BRAT1: variants seen among roughly 807,000 people sequenced by gnomAD.
BRAT1 encodes the protein BRCA1 associated ATM activator 1.
BRAT1 carries 74 observed loss-of-function variants against 70.6 expected under a neutral mutation model. That is an observed-to-expected ratio of 1.05 (90% CI 0.87 to 1.27). The LOEUF is 1.27. Ranked by LOEUF, BRAT1 falls within the 50% of genes most tolerant of loss-of-function variation. BRAT1 has a pLI of 0.00. For synonymous variants in BRAT1, 615 were observed against 517.1 expected, an observed-to-expected ratio of 1.19 and a Z score of -2.57; for missense variants, 1,203 against 1,098.2, an observed-to-expected ratio of 1.10 and a Z score of -1.35.
At position 2,552,107 on chromosome 7, in the gene BRAT1, T is replaced by TATATATATATATATATATATA. The variant is rs1491344376; in HGVS notation, c.127+2197_127+2198insTATATATATATATATATATAT. ...ATATATATATATATATATATATATA[T>TATATATATATATATATATATA]TTTTTTTTTTTTTTTTTTTTTTTTT... On this transcript the variant is annotated intron_variant, in intron 2 of 13. Transcript: ENST00000340611. Among the ~76,000 whole-genome samples the TATATATATATATATATATATA allele has an allele frequency of 7.4e-3, 112 of 15,056 alleles. 3 individuals carry two copies. The highest frequency in any genetic ancestry group is 0.011 in the South Asian group (4 of 362). The allele number at this position is 15,056 out of a possible 152,430, so 9.9% of individuals were successfully genotyped here. A position where few individuals can be genotyped will look rare whatever the true frequency, so the allele number is the denominator to read the frequency against.
At chr7:2,544,477 C>A (rs1779448883) in intron 4 of BRAT1, among the ~76,000 whole-genome samples, 2 of 152,146 alleles carry the variant, frequency 1.3e-5, no homozygotes. Flanking sequence ...GCTGAGATTA[C>A]AGGCGTGAGC....
chr7:2,538,237 G>T lies in BRAT1; in HGVS notation c.2298C>A (p.Asp766Glu), dbSNP rs144085416. ...RAGEQAQPPG[D>E]QEPEAVLAML... is the part of the protein sequence containing the mutation. ...TGGCCAGCACAGCCTCAGGCTCCTG[G>T]TCCCCTGGGGGCTGGGCCTGCTCAC... Residue 766 changes from aspartate to glutamate, a missense_variant, in exon 14 of 14, where the codon GAC becomes GAA. By Grantham distance (45) the Asp-to-Glu change is conservative. Transcript: ENST00000340611. 5.7e-5 allele frequency: 92 copies of T among 1,609,542 alleles called. No individual in the cohort carries two copies. Among genetic ancestry groups the T allele is most frequent in the Non-Finnish European group, 7.7e-5 (91 of 1,178,358 alleles).
intron 4 of BRAT1, 99 bp downstream of exon 4, chr7:2,544,810 C>T: frequency 1.4e-6 from 2 of 1,478,106 alleles, no homozygotes; most frequent in Non-Finnish European, 1.8e-6. Flanking sequence ...AACCCTGAGA[C>T]ATCGCACAGA....
In BRAT1 at chr7:2,539,548, C is replaced by T. The variant is rs1213530656; in HGVS notation, c.1593G>A (p.Trp531Ter). 18 of 1,560,622 alleles carry T rather than the reference C, an allele frequency of 1.2e-5. No individual in the cohort carries two copies. Among genetic ancestry groups the T allele is most frequent in the Non-Finnish European group, 1.5e-5 (17 of 1,151,552 alleles). Reference sequence around the variant, plus strand: ...CCTCCACCTGCCAGCACTCACCTCCCCAGTGCCTGCTCAGCTGGGTCAGGA... The same window carrying T: ...CCTCCACCTGCCAGCACTCACCTCCTCAGTGCCTGCTCAGCTGGGTCAGGA... Reference protein sequence around the residue: ...LEFLTQLSRHWGGQADFRCAL... With the variant: ...LEFLTQLSRH The change falls in exon 12 of 14, where the codon TGG (tryptophan) becomes TGA (stop). Residue 531 changes from tryptophan to a stop codon, truncating the protein, a stop_gained. Coordinates refer to ENST00000340611, the MANE Select transcript of BRAT1 (RefSeq NM_152743.4). LOFTEE classifies it high-confidence loss of function.
At chr7:2,549,512 G>A (rs1343034522) in intron 2 of BRAT1, among the ~76,000 whole-genome samples, 2 of 151,600 alleles carry the variant, frequency 1.3e-5, no homozygotes, top group Middle Eastern at 3.4e-3. Flanking sequence ...AAAACCAGAA[G>A]AGGAAAGATT....
Position 2,539,846 on chromosome 7 carries a change from T to C in BRAT1, c.1438A>G (p.Ser480Gly). The C allele has an allele frequency of 6.2e-7, 1 of 1,603,422 alleles. No homozygotes were observed. Among genetic ancestry groups the C allele is most frequent in the Non-Finnish European group, 8.5e-7 (1 of 1,176,014 alleles). ...GAGCAGCCGGGGGTCTTGGGTGAGC[T>C]CAGGAGCCACCTGAGCGTGGCCTGG... The part of the protein sequence containing the change: ...AFQATLRWLL[S>G]SPKTPGCSDL... The change falls in exon 11 of 14, where the codon AGC (serine) becomes GGC (glycine). Residue 480 changes from serine (S) to glycine (G), a missense_variant. Physicochemically the swap from Ser to Gly is moderately conservative, Grantham distance 56 (BLOSUM62 0). Coordinates refer to ENST00000340611, the MANE Select transcript of BRAT1 (RefSeq NM_152743.4).
At position 2,542,165 on chromosome 7, in the gene BRAT1, G is replaced by T. The variant is rs760236916; in HGVS notation, c.970C>A (p.Leu324Met). Reference protein sequence around the residue: ...TQAFQVLLQPLACVLKATVQA... With the variant: ...TQAFQVLLQPMACVLKATVQA... ...ACCGTGGCCTTCAGGACACAGGCCAGGGGCTGGAGAAGGACCTGGAAGGCC... is the reference window on the plus strand; with the variant it reads ...ACCGTGGCCTTCAGGACACAGGCCATGGGCTGGAGAAGGACCTGGAAGGCC... Residue 324 changes from leucine to methionine, a missense_variant, in exon 7 of 14, where the codon CTG (leucine) becomes ATG (methionine). By Grantham distance (15) the Leu-to-Met change is conservative (BLOSUM62 2). Transcript: ENST00000340611. The T allele has an allele frequency of 6.4e-7, 1 of 1,573,392 alleles. No individual in the cohort carries two copies. Among genetic ancestry groups the T allele is most frequent in the Non-Finnish European group, 8.6e-7 (1 of 1,159,326 alleles).
chr7:2,552,081 AAT>A (rs775419185), intron 2 of BRAT1, among the ~76,000 whole-genome samples: 362 of 23,376 alleles, frequency 0.015, 32 homozygotes, highest in Middle Eastern at 0.029. Flanking sequence ...CATAGTCTTA[AAT>A]ATATATATAT....
chr7:2,547,516 C>A (rs6942871), intron 2 of BRAT1, 38 bp from the exon 3 acceptor site: 6 of 1,600,330 alleles, frequency 3.7e-6, no homozygotes, highest in Non-Finnish European at 5.1e-6. Context: ...ACCAGGGGTA[C>A]GGCACCAGGT....
At chr7:2,550,103 C>T (rs10282094) in intron 2 of BRAT1, among the ~76,000 whole-genome samples, 6,092 of 150,992 alleles carry the variant, frequency 0.04, 155 homozygotes, top group African/African-American at 0.067. Flanking sequence ...GTTGAGGCTA[C>T]AGTGAGCCGT....
chr7:2,544,640 A>G (rs1779462985), intron 4 of BRAT1, among the ~76,000 whole-genome samples: 1 of 152,176 alleles, frequency 6.6e-6, no homozygotes, highest in Non-Finnish European at 1.5e-5. Context: ...AGCTGGGACT[A>G]TAGCCACGCA....
intron 2 of BRAT1, among the ~76,000 whole-genome samples, chr7:2,552,897 CTG>C (rs1780145216): frequency 7.3e-6 from 1 of 136,974 alleles, no homozygotes; most frequent in African/African-American, 3.1e-5. Flanking sequence ...ACCACCACGT[CTG>C]GCTATTTTTT....
chr7:2,546,414 A>G (rs1332465909), intron 3 of BRAT1, among the ~76,000 whole-genome samples: 5 of 151,936 alleles, frequency 3.3e-5, no homozygotes, highest in African/African-American at 4.8e-5. Flanking sequence ...CCTGGACGAC[A>G]GAGCAGGACT....
chr7:2,550,481 C>CAAAAAA (rs369777124), intron 2 of BRAT1, among the ~76,000 whole-genome samples: 10 of 57,598 alleles, frequency 1.7e-4, no homozygotes, highest in Non-Finnish European at 2.5e-4. Context: ...AAAAAAAAAA[C>CAAAAAA]AAAAAAAAAA....
chr7:2,541,853 G>T lies in BRAT1; in HGVS notation c.1016-17C>A. The T allele has an allele frequency of 1.2e-6, 2 of 1,611,394 alleles. No homozygotes were observed. The highest frequency in any genetic ancestry group is 1.7e-6 in the Non-Finnish European group (2 of 1,178,976). On this transcript the variant is annotated splice_polypyrimidine_tract_variant and intron_variant, in intron 7 of 13. Coordinates refer to ENST00000340611, the MANE Select transcript of BRAT1 (RefSeq NM_152743.4). The stretch of plus-strand genomic sequence containing the variant: ...CCAGCAAGCCTGGGGGCCAAGCCAG[G>T]AAGAGCTCCCTTAGAGAGCACTTCA...
At position 2,543,809 on chromosome 7, in the gene BRAT1, G is replaced by A. The variant is rs1562579622; in HGVS notation, c.584C>T (p.Ala195Val). Residue 195 changes from alanine (A) to valine (V), a missense_variant, in exon 5 of 14, where the codon GCC (alanine) becomes GTC (valine). Coordinates refer to ENST00000340611, the MANE Select transcript of BRAT1 (RefSeq NM_152743.4). The surrounding 1 kb of genome is among the most constrained non-coding windows in gnomAD (Gnocchi z 5.5). ...TTCAACGTGATCCATGATCTTCTGG[G>A]CACACGCGGGCCAGTCACCCCCCGG... ...CLPGGDWPACAQKIMDHVEES... is the reference protein window; with the variant it reads ...CLPGGDWPACVQKIMDHVEES... 1.2e-6 allele frequency: 2 copies of A among 1,612,746 alleles called. No individual in the cohort carries two copies. The highest frequency in any genetic ancestry group is 1.1e-5 in the South Asian group (1 of 91,004).
intron 6 of BRAT1, chr7:2,542,545 T>C (rs530475122): frequency 1.6e-5 from 6 of 369,402 alleles, no homozygotes; most frequent in Admixed American, 9.0e-5. Context: ...GCGTCCACTC[T>C]GTGGGAGGGA....
rs1293706667 is a variant in BRAT1 at position 2,541,725 on chromosome 7, T to C, written c.1127A>G (p.Gln376Arg). 7 of 1,608,084 alleles carry C rather than the reference T, an allele frequency of 4.4e-6. No homozygotes were observed. The highest frequency in any genetic ancestry group is 5.9e-6 in the Non-Finnish European group (7 of 1,178,370). Reference sequence around the variant, plus strand: ...GGACCGGGCCGCACCTACCAGCGGCTGCAGCTCCTCCAGGTGAGCCAGGGT... The same window carrying C: ...GGACCGGGCCGCACCTACCAGCGGCCGCAGCTCCTCCAGGTGAGCCAGGGT... ...CRTLAHLEELQPLPQRPSPWP... is the reference protein window; with the variant it reads ...CRTLAHLEELRPLPQRPSPWP... The change falls in exon 8 of 14, where the codon CAG becomes CGG. Residue 376 changes from glutamine to arginine, a missense_variant. Gln to Arg is a conservative substitution (Grantham distance 43). Coordinates refer to ENST00000340611, the MANE Select transcript of BRAT1 (RefSeq NM_152743.4).
At chr7:2,540,891 A>AG in intron 10 of BRAT1, 88 bp downstream of exon 10, 2 of 1,275,162 alleles carry the variant, frequency 1.6e-6, no homozygotes, top group East Asian at 6.0e-5. Flanking sequence ...CCATCCGCAG[A>AG]GGCCTGCACG....
Sources: allele counts gnomAD v4.1 joint callset (sites outside exome capture counted in the v4.1 genomes callset), GRCh38; gene constraint gnomAD v4.1.1; non-coding constraint Gnocchi (gnomAD v3.1); transcripts MANE v1.5; gene names NCBI Gene and HGNC (gene_info 2026-07-23, HGNC 2026-07-21).